The following LTBP1 variants were observed in gnomAD, a reference collection of about 807,000 sequenced individuals.
LTBP1 encodes latent transforming growth factor beta binding protein 1.
Under a neutral mutation model 207.6 loss-of-function variants are expected in LTBP1, and 129 were observed. The ratio of observed to expected loss-of-function variants is 0.62; its 90% CI spans 0.54 to 0.72. The LOEUF is 0.72. Ranked by LOEUF, LTBP1 falls within the 30% of genes least tolerant of loss-of-function variation. The pLI, the probability that LTBP1 is intolerant of heterozygous loss-of-function variation, is 0.00. For missense variants in LTBP1, 2,281 were observed against 2,217.2 expected, an observed-to-expected ratio of 1.03 and a Z score of -0.58; for synonymous variants, 963 against 833.7, an observed-to-expected ratio of 1.16 and a Z score of -2.67.
intron 30 of LTBP1, 108 bp from the exon 31 acceptor site, chr2:33,365,225 C>T: frequency 1.1e-6 from 1 of 915,048 alleles, no homozygotes; most frequent in Non-Finnish European, 1.7e-6. Context: ...ACTTGGAAGT[C>T]ACTCTTAGAA....
intron 10 of LTBP1, among the ~76,000 whole-genome samples, chr2:33,251,801 A>T (rs78382337): frequency 0.019 from 2,938 of 152,186 alleles, 43 homozygotes; most frequent in Middle Eastern, 0.1. Flanking sequence ...GGGGACACCA[A>T]ACTTATTCAG....
chr2:33,246,479 G>GCACACA (rs145652084), intron 10 of LTBP1, among the ~76,000 whole-genome samples: 5,122 of 147,198 alleles, frequency 0.035, 108 homozygotes, highest in Middle Eastern at 0.099. Context: ...ACACGCACAC[G>GCACACA]CACACACACA....
At position 33,365,437 on chromosome 2, in the gene LTBP1, G is replaced by C. The variant is rs1489994548; in HGVS notation, c.4645G>C (p.Glu1549Gln). 2 of 1,614,078 alleles carry C rather than the reference G, an allele frequency of 1.2e-6. No homozygotes were observed. Among genetic ancestry groups the C allele is most frequent in the Admixed American group, 3.3e-5 (2 of 60,006 alleles). The change falls in exon 31 of 34, where the codon GAG (glutamate) becomes CAG (glutamine). Residue 1549 changes from glutamate (E) to glutamine (Q), a missense_variant. Glu to Gln is a conservative substitution (Grantham distance 29). This residue lies in a region of LTBP1 where 1,671 missense variants were observed against 1,634.8 expected (regional missense o/e 1.02). Coordinates refer to ENST00000404816, the MANE Select transcript of LTBP1 (RefSeq NM_206943.4). ...TGTGGGCAAGCAGACAACGTACACT[G>C]AGTGCTGCTGTCTGTATGGAGAGGC... ...PLVGKQTTYTECCCLYGEAWG... is the reference protein window; with the variant it reads ...PLVGKQTTYTQCCCLYGEAWG...
chr2:32,948,747 T>A, intron 1 of LTBP1, 128 bp from the exon 2 acceptor site: 1 of 857,184 alleles, frequency 1.2e-6, no homozygotes, highest in South Asian at 1.5e-5. Flanking sequence ...AGGGTACCTG[T>A]TAGGACTCTC....
chr2:33,272,898 C>A (rs1005970189), intron 15 of LTBP1, among the ~76,000 whole-genome samples: 4 of 152,036 alleles, frequency 2.6e-5, no homozygotes, highest in African/African-American at 9.7e-5. Context: ...ACCATGGACT[C>A]CTAAGACCCT....
At chr2:33,030,849 T>C (rs116444317) in intron 3 of LTBP1, among the ~76,000 whole-genome samples, 2,333 of 152,312 alleles carry the variant, frequency 0.015, 61 homozygotes, top group African/African-American at 0.054. Context: ...TGTGATCTTA[T>C]CACCTTATGA....
intron 2 of LTBP1, among the ~76,000 whole-genome samples, chr2:33,000,020 G>T (rs1558495745): frequency 7.4e-6 from 1 of 134,298 alleles, no homozygotes; most frequent in Non-Finnish European, 1.6e-5. Flanking sequence ...ACTCCAGAGA[G>T]CCAGTATCAG....
intron 31 of LTBP1, 139 bp from the exon 32 acceptor site, chr2:33,389,045 C>A: frequency 8.4e-7 from 1 of 1,187,634 alleles, no homozygotes; most frequent in Non-Finnish European, 1.2e-6. Flanking sequence ...CAGACACTTT[C>A]CAGGCTCAGT....
chr2:33,259,509 A>T, intron 12 of LTBP1, 79 bp from the exon 13 acceptor site: 1 of 1,011,128 alleles, frequency 9.9e-7, no homozygotes, highest in Non-Finnish European at 1.4e-6. Context: ...ATGGACTTCT[A>T]TTGTTTTTTA....
chr2:33,060,517 G>A (rs7605669), intron 3 of LTBP1, among the ~76,000 whole-genome samples: 37 of 151,208 alleles, frequency 2.4e-4, no homozygotes, highest in African/African-American at 8.8e-4. Context: ...CATCTTGGGG[G>A]GTGTGTGTGT....
chr2:32,959,498 A>C (rs932105651), intron 2 of LTBP1, among the ~76,000 whole-genome samples: 4 of 149,208 alleles, frequency 2.7e-5, no homozygotes, highest in Non-Finnish European at 3.0e-5. Flanking sequence ...AGACAATTCC[A>C]ATGTGGCTTT....
At chr2:33,094,002 T>C (rs1416878453) in intron 3 of LTBP1, among the ~76,000 whole-genome samples, 4 of 152,214 alleles carry the variant, frequency 2.6e-5, no homozygotes, top group African/African-American at 9.6e-5. Context: ...AACTTAAAGA[T>C]GTAAAAAGAG....
At chr2:33,119,703 G>A (rs968965699) in intron 4 of LTBP1, among the ~76,000 whole-genome samples, 5 of 152,016 alleles carry the variant, frequency 3.3e-5, no homozygotes, top group African/African-American at 1.2e-4. Context: ...GACTACAGGC[G>A]CCTGCCACCA....
chr2:33,389,145 A>C, intron 31 of LTBP1, 39 bp from the exon 32 acceptor site: 1 of 1,613,242 alleles, frequency 6.2e-7, no homozygotes, highest in Non-Finnish European at 8.5e-7. Context: ...GGTGCGAGCT[A>C]ACAGTGGTGG....
chr2:33,064,786 CA>C (rs1194691930), intron 3 of LTBP1, among the ~76,000 whole-genome samples: 1 of 152,140 alleles, frequency 6.6e-6, no homozygotes, highest in African/African-American at 2.4e-5. Flanking sequence ...TGCAGAAACA[CA>C]GAAGGCACAT....
At chr2:33,279,628 A>G (rs563320385) in intron 18 of LTBP1, among the ~76,000 whole-genome samples, 71 of 152,168 alleles carry the variant, frequency 4.7e-4, no homozygotes, top group African/African-American at 1.6e-3. Flanking sequence ...AGAGCATCCA[A>G]TGTTTGCAGA....
chr2:33,238,316 G>T (rs995187245), intron 9 of LTBP1, among the ~76,000 whole-genome samples: 1 of 152,080 alleles, frequency 6.6e-6, no homozygotes, highest in African/African-American at 2.4e-5. Context: ...GTATAAACTT[G>T]CGTCACTAAG....
At chr2:33,197,007 A>G (rs940928695) in intron 7 of LTBP1, among the ~76,000 whole-genome samples, 1 of 152,238 alleles carries the variant, frequency 6.6e-6, no homozygotes, top group African/African-American at 2.4e-5. Context: ...CTTGACAGAG[A>G]ATGCCAACCT....
chr2:33,002,892 G>C (rs1224980008), intron 2 of LTBP1, among the ~76,000 whole-genome samples: 2 of 152,118 alleles, frequency 1.3e-5, no homozygotes, highest in East Asian at 3.9e-4. Context: ...TGGCCAGGCT[G>C]ATCTTGAACT....
Sources: allele counts gnomAD v4.1 joint callset (sites outside exome capture counted in the v4.1 genomes callset), GRCh38; gene constraint gnomAD v4.1.1; regional missense constraint gnomAD v4.1.1; transcripts MANE v1.5; gene names NCBI Gene and HGNC (gene_info 2026-07-23, HGNC 2026-07-21).